Variants in RNF144A observed in about 807,000 individuals in gnomAD.
RNF144A encodes E3 ubiquitin-protein ligase RNF144A.
RNF144A carries 11 observed loss-of-function variants against 38.7 expected under a neutral mutation model. That is an observed-to-expected ratio of 0.28 (90% CI 0.18 to 0.47). The LOEUF (loss-of-function observed/expected upper bound fraction) is 0.47, where lower values mean the gene tolerates loss of function less well. Ranked by LOEUF, RNF144A falls within the 20% of genes least tolerant of loss-of-function variation. RNF144A has a pLI of 0.99. For missense variants in RNF144A, 316 were observed against 377.2 expected (o/e 0.84, Z 1.34); for synonymous variants, 149 against 143.9 (o/e 1.04, Z -0.25).
intron 1 of RNF144A, among the ~76,000 whole-genome samples, chr2:6,934,776 T>C (rs1665459213): frequency 6.6e-6 from 1 of 152,224 alleles, no homozygotes; most frequent in South Asian, 2.1e-4. Flanking sequence ...TGTGGAGTCC[T>C]AGATAAGAGC....
intron 6 of RNF144A, among the ~76,000 whole-genome samples, chr2:7,059,864 T>G (rs309275): frequency 0.27 from 40,840 of 152,142 alleles, 6,706 homozygotes; most frequent in South Asian, 0.43. Flanking sequence ...TTAATATGAA[T>G]TACTTAAAAT....
intron 1 of RNF144A, among the ~76,000 whole-genome samples, chr2:6,926,235 C>A (rs1275473608): frequency 6.6e-6 from 1 of 152,214 alleles, no homozygotes; most frequent in Non-Finnish European, 1.5e-5. Flanking sequence ...GTGTCAGCTG[C>A]ATCTGTCCGT....
intron 6 of RNF144A, among the ~76,000 whole-genome samples, chr2:7,021,213 T>C (rs1488646420): frequency 6.6e-6 from 1 of 152,184 alleles, no homozygotes; most frequent in Non-Finnish European, 1.5e-5. Context: ...CGTAGGTTGA[T>C]GCATAGGAAA....
At chr2:6,931,009 G>A (rs1665176185) in intron 1 of RNF144A, among the ~76,000 whole-genome samples, 1 of 152,222 alleles carries the variant, frequency 6.6e-6, no homozygotes, top group African/African-American at 2.4e-5. Context: ...ACTGGACAAA[G>A]CCATGCAAGC....
At position 7,042,884 on chromosome 2, in the gene RNF144A, T is replaced by G. The variant is rs895171085; in HGVS notation, c.*3124T>G. 12 of 983,166 alleles carry G rather than the reference T, an allele frequency of 1.2e-5. No individual in the cohort carries two copies. The highest frequency in any genetic ancestry group is 1.7e-5 in the African/African-American group (1 of 57,178). 60.9% of individuals were successfully genotyped at this position (983,166 alleles called of 1,614,324 possible). A position where few individuals can be genotyped will look rare whatever the true frequency, so the allele number is the denominator to read the frequency against. On this transcript the variant is annotated 3_prime_UTR_variant, in exon 9 of 9. Coordinates refer to ENST00000320892, the MANE Select transcript of RNF144A (RefSeq NM_014746.6). Reference sequence around the variant, plus strand: ...CATTTTCTTTCTTTTTTTTTCTTTTTGAGACGGAGTTTCGCTTTTGTCCCC... The same window carrying G: ...CATTTTCTTTCTTTTTTTTTCTTTTGGAGACGGAGTTTCGCTTTTGTCCCC...
At chr2:6,979,613 G>A (rs1452673857) in intron 2 of RNF144A, among the ~76,000 whole-genome samples, 1 of 152,084 alleles carries the variant, frequency 6.6e-6, no homozygotes, top group Admixed American at 6.5e-5. Flanking sequence ...ATCTTTGGTG[G>A]GGGACCAGAA....
intron 6 of RNF144A, among the ~76,000 whole-genome samples, chr2:7,060,410 C>T (rs1033120807): frequency 1.3e-5 from 2 of 152,142 alleles, no homozygotes; most frequent in African/African-American, 4.8e-5. Flanking sequence ...GGCCATCTGT[C>T]ATTTTCTTCA....
chr2:7,048,173 C>G (rs1673383022), downstream of RNF144A, among the ~76,000 whole-genome samples: 1 of 152,178 alleles, frequency 6.6e-6, no homozygotes, highest in South Asian at 2.1e-4. Context: ...AATAGCTGCT[C>G]TCAGGCACAC....
chr2:6,954,197 G>T (rs1327224133), intron 2 of RNF144A, among the ~76,000 whole-genome samples: 1 of 151,248 alleles, frequency 6.6e-6, no homozygotes, highest in Non-Finnish European at 1.5e-5. Flanking sequence ...TAATATATTT[G>T]GATTTTTTTC....
At chr2:6,963,062 G>C (rs1667442056) in intron 2 of RNF144A, among the ~76,000 whole-genome samples, 1 of 152,216 alleles carries the variant, frequency 6.6e-6, no homozygotes, top group African/African-American at 2.4e-5. Context: ...TGATGCATGA[G>C]ATCCACCTTT....
At chr2:7,026,153 C>CT (rs1274358065) in intron 7 of RNF144A, among the ~76,000 whole-genome samples, 1 of 152,160 alleles carries the variant, frequency 6.6e-6, no homozygotes, top group African/African-American at 2.4e-5. Context: ...TTGAGATGGA[C>CT]TATTACATAT....
chr2:7,056,290 A>G (rs190767309), intron 6 of RNF144A, among the ~76,000 whole-genome samples: 1 of 152,080 alleles, frequency 6.6e-6, no homozygotes, highest in Admixed American at 6.5e-5. Context: ...CTGTCATCCC[A>G]CACCCATGGT....
In RNF144A at chr2:7,040,183, G is replaced by A; in HGVS notation, c.*423G>A. ...ACAGAATCTGATTATTCCAGCTTGA[G>A]AGAAGCACTCTGTTTATGACAACTG... On this transcript the variant is annotated 3_prime_UTR_variant, in exon 9 of 9. Coordinates refer to ENST00000320892, the MANE Select transcript of RNF144A (RefSeq NM_014746.6). 1.0e-6 allele frequency: 1 copy of A among 990,578 alleles called. No homozygotes were observed. The highest frequency in any genetic ancestry group is 1.7e-5 in the African/African-American group (1 of 57,528). The allele number at this position is 990,578 out of a possible 1,614,324, so 61.4% of individuals were successfully genotyped here. A position where few individuals can be genotyped will look rare whatever the true frequency, so the allele number is the denominator to read the frequency against.
chr2:7,047,428 T>C (rs1673350320), downstream of RNF144A, among the ~76,000 whole-genome samples: 1 of 152,166 alleles, frequency 6.6e-6, no homozygotes, highest in African/African-American at 2.4e-5. Context: ...TCATGGTGGC[T>C]TCTTAAATGG....
chr2:7,076,076 A>T, the RNF144A span, among the ~76,000 whole-genome samples: 1 of 152,194 alleles, frequency 6.6e-6, no homozygotes, highest in South Asian at 2.1e-4. Flanking sequence ...TCAATGCTGC[A>T]TTGAGCCTCC....
chr2:6,965,560 C>T (rs191275358), intron 2 of RNF144A, among the ~76,000 whole-genome samples: 85 of 152,142 alleles, frequency 5.6e-4, no homozygotes, highest in African/African-American at 1.9e-3. Context: ...GCGCAAACAG[C>T]GGGAAGATGG....
chr2:6,947,876 A>G lies in RNF144A; in HGVS notation c.-12+6729A>G, dbSNP rs1019438287. 5.3e-5 allele frequency among the ~76,000 whole-genome samples: 8 copies of G among 152,194 alleles called. No homozygotes were observed. The East Asian group carries it at 1.5e-3, about 29-fold the overall frequency. ...CCCTCTTGGATTTGTTCATTATACAATGGGAATGGCAGATGCTCTAAGGAT... is the reference window on the plus strand; with the variant it reads ...CCCTCTTGGATTTGTTCATTATACAGTGGGAATGGCAGATGCTCTAAGGAT... On this transcript the variant is annotated intron_variant, in intron 2 of 8. Transcript: ENST00000320892.
downstream of RNF144A, among the ~76,000 whole-genome samples, chr2:7,072,713 T>C (rs574644131): frequency 6.6e-6 from 1 of 152,332 alleles, no homozygotes; most frequent in African/African-American, 2.4e-5. Flanking sequence ...TAGAGCTTAG[T>C]GGTGTCAGGT....
At chr2:7,061,644 C>T (rs377546163) in intron 6 of RNF144A, among the ~76,000 whole-genome samples, 3 of 152,298 alleles carry the variant, frequency 2.0e-5, no homozygotes, top group African/African-American at 7.2e-5. Flanking sequence ...GTCAGAATTG[C>T]ACACCACTCT....
Sources: gnomAD v4.1 joint callset for allele counts (sites outside exome capture counted in the v4.1 genomes callset) on GRCh38, gnomAD v4.1.1 for gene constraint, MANE v1.5 for transcripts, NCBI Gene and HGNC (gene_info 2026-07-23, HGNC 2026-07-21) for gene names.